The following MYH11 variants were observed in gnomAD, a reference collection of about 807,000 sequenced individuals.
The protein encoded by MYH11 is myosin-11.
Under a neutral mutation model 246.6 loss-of-function variants are expected in MYH11, and 80 were observed. That is an observed-to-expected ratio of 0.32 (90% CI 0.27 to 0.39). The LOEUF is 0.39. MYH11 is among the 10% of genes least tolerant of loss of function. MYH11 has a pLI of 1.00. For missense variants in MYH11, 2,158 were observed against 2,546.8 expected (o/e 0.85, Z 3.29); for synonymous variants, 1,071 against 1,015.5 (o/e 1.05, Z -1.04).
chr16:15,746,736 C>T (rs1337337374), intron 19 of MYH11, among the ~76,000 whole-genome samples: 6 of 152,188 alleles, frequency 3.9e-5, no homozygotes, highest in South Asian at 2.1e-4. Flanking sequence ...ATAAATCCCA[C>T]TGGGACACGG....
At chr16:15,854,832 AC>A (rs1285882326) in intron 1 of MYH11, among the ~76,000 whole-genome samples, 1 of 105,126 alleles carries the variant, frequency 9.5e-6, no homozygotes, top group Non-Finnish European at 2.0e-5. Context: ...ATTCCCTCCC[AC>A]CCCCCACCCA....
At chr16:15,824,189 T>C (rs1313616027) in intron 2 of MYH11, among the ~76,000 whole-genome samples, 7 of 152,048 alleles carry the variant, frequency 4.6e-5, no homozygotes, top group African/African-American at 1.7e-4. Context: ...ATAAAGAAAG[T>C]GTTTACAGAT....
intron 3 of MYH11, among the ~76,000 whole-genome samples, chr16:15,803,029 C>T (rs113893912): frequency 4.0e-5 from 6 of 151,412 alleles, no homozygotes; most frequent in Admixed American, 2.0e-4. Context: ...CCCAGCTACT[C>T]GGGAGGCTAA....
chr16:15,793,613 T>TGC (rs2042667462), intron 4 of MYH11, among the ~76,000 whole-genome samples: 1 of 138,460 alleles, frequency 7.2e-6, no homozygotes. Flanking sequence ...TTCTTTTCTT[T>TGC]TCTTTTTTTT....
Position 15,717,134 on chromosome 16 carries a change from G to T in MYH11, c.5504+6C>A, listed in dbSNP as rs371348553. ...AAACTGGGTTCGGAACTCCACACCCGCATACCTGGCCTCCTGCTCGACCTG... is the reference window on the plus strand; with the variant it reads ...AAACTGGGTTCGGAACTCCACACCCTCATACCTGGCCTCCTGCTCGACCTG... On this transcript the variant is annotated splice_donor_region_variant and intron_variant, in intron 38 of 40. Transcript: ENST00000300036. 25 of 1,613,948 alleles carry T rather than the reference G, an allele frequency of 1.5e-5. No homozygotes were observed. The highest frequency in any genetic ancestry group is 3.3e-5 in the South Asian group (3 of 91,086).
intron 2 of MYH11, among the ~76,000 whole-genome samples, chr16:15,832,943 CTTTTTTTTTTTTTTTTTTTTTTT>C (rs780380104): frequency 1.7e-3 from 94 of 55,446 alleles, no homozygotes; most frequent in African/African-American, 6.4e-3. Context: ...GCAACCTCAT[CTTTTTTTTTTTTTTTTTTTTTTT>C]TTTTTTTTTT....
At chr16:15,819,756 C>T (rs990636326) in intron 3 of MYH11, among the ~76,000 whole-genome samples, 2 of 152,196 alleles carry the variant, frequency 1.3e-5, no homozygotes, top group African/African-American at 4.8e-5. Flanking sequence ...AACCATCTCT[C>T]CCCTGCGGTC....
intron 40 of MYH11, among the ~76,000 whole-genome samples, chr16:15,705,339 C>A (rs1367793783): frequency 2.6e-5 from 4 of 152,140 alleles, no homozygotes; most frequent in Admixed American, 6.6e-5. Flanking sequence ...TTAATGCTGC[C>A]ATCTCCTCTC....
intron 4 of MYH11, among the ~76,000 whole-genome samples, chr16:15,793,615 C>CTTTTTTTTTT (rs572455483): frequency 1.5e-3 from 144 of 93,792 alleles, no homozygotes; most frequent in Non-Finnish European, 2.2e-3. Flanking sequence ...CTTTTCTTTT[C>CTTTTTTTTTT]TTTTTTTTTT....
chr16:15,724,852 C>T, intron 29 of MYH11, 36 bp downstream of exon 29: 1 of 1,613,760 alleles, frequency 6.2e-7, no homozygotes, highest in Non-Finnish European at 8.5e-7. Flanking sequence ...GAAGGCCACC[C>T]CCCAGGTCCC....
rs192712664 is a variant in MYH11 at position 15,736,627 on chromosome 16, C to T, written c.3293+822G>A. 2.6e-5 allele frequency among the ~76,000 whole-genome samples: 4 copies of T among 152,262 alleles called. No individual in the cohort carries two copies. In the South Asian group the frequency reaches 8.3e-4, roughly 32 times the overall value. On this transcript the variant is annotated intron_variant, in intron 25 of 40. Coordinates refer to ENST00000300036, the MANE Select transcript of MYH11 (RefSeq NM_002474.3). ...CTGCCCCAGAGAGATGCTTTCCCTT[C>T]ATCACCGTAGCACTGTCAACATAGC...
intron 40 of MYH11, among the ~76,000 whole-genome samples, chr16:15,706,966 TG>T (rs1332198577): frequency 4.6e-5 from 7 of 152,330 alleles, no homozygotes; most frequent in Middle Eastern, 3.4e-3. Flanking sequence ...AGACCAAGGT[TG>T]ACACCAACTA....
intron 8 of MYH11, 23 bp downstream of exon 8, chr16:15,776,055 A>G: frequency 1.3e-6 from 2 of 1,543,022 alleles, no homozygotes; most frequent in Non-Finnish European, 1.8e-6. Flanking sequence ...CCATCCAATC[A>G]CATGTCATTG....
chr16:15,824,167 C>T (rs781582551), intron 2 of MYH11, among the ~76,000 whole-genome samples: 1 of 152,118 alleles, frequency 6.6e-6, no homozygotes, highest in South Asian at 2.1e-4. Context: ...GATATTAACT[C>T]AGGAACATTT....
At chr16:15,721,698 A>T in intron 31 of MYH11, 64 bp from the exon 32 acceptor site, 2 of 1,555,700 alleles carry the variant, frequency 1.3e-6, no homozygotes, top group Non-Finnish European at 1.8e-6. Flanking sequence ...TGAATTGTAA[A>T]TACCGGGGGA....
chr16:15,753,002 T>A (rs1242358181), intron 15 of MYH11, among the ~76,000 whole-genome samples: 1 of 152,164 alleles, frequency 6.6e-6, no homozygotes, highest in Non-Finnish European at 1.5e-5. Context: ...TCTCCTGTTT[T>A]ACTAATGAGG....
intron 1 of MYH11, among the ~76,000 whole-genome samples, chr16:15,848,639 G>A (rs1567219010): frequency 6.6e-6 from 1 of 152,132 alleles, no homozygotes; most frequent in Non-Finnish European, 1.5e-5. Flanking sequence ...CTGCCCACCT[G>A]ATGCCAGTAG....
intron 10 of MYH11, among the ~76,000 whole-genome samples, chr16:15,761,318 G>A (rs1211167890): frequency 1.6e-4 from 24 of 152,152 alleles, no homozygotes; most frequent in Admixed American, 1.6e-3. Context: ...ACACCGTGTT[G>A]CCCAGGCTGG....
At chr16:15,714,531 C>CA (rs1161348745) in intron 40 of MYH11, 11 of 377,272 alleles carry the variant, frequency 2.9e-5, no homozygotes, top group Non-Finnish European at 4.5e-5. Context: ...CAGAGCATGT[C>CA]AGGAAGGAGG....
Sources: gnomAD v4.1 joint callset for allele counts (sites outside exome capture counted in the v4.1 genomes callset) on GRCh38, gnomAD v4.1.1 for gene constraint, MANE v1.5 for transcripts, NCBI Gene and HGNC (gene_info 2026-07-23, HGNC 2026-07-21) for gene names.